The following SETD1A variants were observed in gnomAD, a reference collection of about 807,000 sequenced individuals.
The protein encoded by SETD1A is SET domain containing 1A, histone lysine methyltransferase, also known as histone-lysine N-methyltransferase SETD1A.
A neutral mutation model predicts 149.9 loss-of-function variants in SETD1A; 29 were observed. The ratio of observed to expected loss-of-function variants is 0.19; its 90% CI spans 0.14 to 0.26. The LOEUF (loss-of-function observed/expected upper bound fraction) is 0.26, where lower values mean the gene tolerates loss of function less well. SETD1A is among the 10% of genes least tolerant of loss of function. The pLI is 1.00. For synonymous variants in SETD1A, 1,141 were observed against 968.5 expected (o/e 1.18, Z -3.31); for missense variants, 2,109 against 2,353.1 (o/e 0.90, Z 2.15).
chr16:30,982,636 C>T (rs995639374), intron 17 of SETD1A, among the ~76,000 whole-genome samples: 2 of 151,446 alleles, frequency 1.3e-5, no homozygotes, highest in East Asian at 1.9e-4. Context: ...AGGAAAGTCC[C>T]GGAGCTTTCT....
chr16:30,982,327 C>A (rs1215778777), intron 17 of SETD1A, among the ~76,000 whole-genome samples: 2 of 151,944 alleles, frequency 1.3e-5, no homozygotes, highest in African/African-American at 4.8e-5. Flanking sequence ...ATGCTAAAAC[C>A]CCGTCTCTAC....
In SETD1A at chr16:30,959,139, G is replaced by T; in HGVS notation, c.199G>T (p.Val67Phe). 1 of 1,613,972 alleles carries T rather than the reference G, an allele frequency of 6.2e-7. No individual in the cohort carries two copies. Among genetic ancestry groups the T allele is most frequent in the Non-Finnish European group, 8.5e-7 (1 of 1,179,858 alleles). The change falls in exon 3 of 19, where the codon GTC becomes TTC. Residue 67 changes from valine (V) to phenylalanine (F), a missense_variant. Val to Phe is a conservative substitution (Grantham distance 50, BLOSUM62 -1). Around this residue, in one of 8 missense-constraint regions of SETD1A, gnomAD observed 75 missense variants for 95.3 expected, o/e 0.79. Coordinates refer to ENST00000262519, the MANE Select transcript of SETD1A (RefSeq NM_014712.3). The stretch of plus-strand genomic sequence containing the variant: ...AGACCTCCAAGACCCCCGTTGCCAT[G>T]TCAGGTCCAAAAACAGAGACTTTTC... ...VEDLQDPRCHVRSKNRDFSLP... is the reference protein window; with the variant it reads ...VEDLQDPRCHFRSKNRDFSLP...
chr16:30,965,769 C>T lies in SETD1A; in HGVS notation c.1888C>T (p.Pro630Ser), dbSNP rs1207549615. 5 of 1,586,098 alleles carry T rather than the reference C, an allele frequency of 3.2e-6. No individual in the cohort carries two copies. In the African/African-American group the frequency reaches 6.8e-5, roughly 22 times the overall value. ...SLPLGYPPHQ[P>S]AYLLPPRPDG... The stretch of plus-strand genomic sequence containing the variant: ...TCCTCTTGGTTATCCTCCCCACCAA[C>T]CTGCCTACCTCCTCCCACCCAGACC... Residue 630 changes from proline (P) to serine (S), a missense_variant, in exon 8 of 19, where the codon CCT becomes TCT. Physicochemically the swap from Pro to Ser is moderately conservative, Grantham distance 74. Transcript: ENST00000262519.
At position 30,979,576 on chromosome 16, in the gene SETD1A, G is replaced by T; in HGVS notation, c.3790G>T (p.Ala1264Ser). 1 of 1,610,276 alleles carries T rather than the reference G, an allele frequency of 6.2e-7. No homozygotes were observed. The highest frequency in any genetic ancestry group is 8.5e-7 in the Non-Finnish European group (1 of 1,179,512). ...AVLADLALTP[A>S]RRGLPALPAV... ...CCTGGCCGACCTGGCCCTGACCCCT[G>T]CCCGGCGCGGGCTGCCTGCCCTGCC... The change falls in exon 14 of 19, where the codon GCC (alanine) becomes TCC (serine). Residue 1264 changes from alanine (A) to serine (S), a missense_variant. Around this residue, in one of 8 missense-constraint regions of SETD1A, gnomAD observed 832 missense variants for 815.6 expected, o/e 1.02. Coordinates refer to ENST00000262519, the MANE Select transcript of SETD1A (RefSeq NM_014712.3).
At chr16:30,972,656 C>T (rs2056239383) in intron 13 of SETD1A, among the ~76,000 whole-genome samples, 1 of 146,566 alleles carries the variant, frequency 6.8e-6, no homozygotes, top group Non-Finnish European at 1.5e-5. Context: ...AAAAAAAAGA[C>T]CAGCCTGGGC....
intron 9 of SETD1A, 58 bp from the exon 10 acceptor site, chr16:30,967,443 C>T (rs563236928): frequency 1.5e-5 from 23 of 1,505,962 alleles, no homozygotes; most frequent in African/African-American, 8.2e-5. Context: ...AGTGAGCCAC[C>T]GTGCTCTGCC....
In SETD1A at chr16:30,965,073, G is replaced by A. The variant is rs758116539; in HGVS notation, c.1331G>A (p.Gly444Glu). ...PPEPPEPGGG[G>E]GGGGPSPERE... ...GAGCCTCCAGAACCTGGTGGAGGCGGGGGTGGAGGAGGGCCCAGCCCTGAG... is the reference window on the plus strand; with the variant it reads ...GAGCCTCCAGAACCTGGTGGAGGCGAGGGTGGAGGAGGGCCCAGCCCTGAG... Residue 444 changes from glycine to glutamate, a missense_variant, in exon 7 of 19, where the codon GGG becomes GAG. Physicochemically the swap from Gly to Glu is moderately conservative, Grantham distance 98. Transcript: ENST00000262519. The A allele has an allele frequency of 1.9e-6, 3 of 1,611,384 alleles. No homozygotes were observed. Among genetic ancestry groups the A allele is most frequent in the Admixed American group, 1.7e-5 (1 of 59,946 alleles).
In SETD1A at chr16:30,966,294, A is replaced by G; in HGVS notation, c.2413A>G (p.Ile805Val). ...LAMLVQEMKS[I>V]MQRDLNRKMV... ...CATGCTGGTCCAGGAGATGAAGAGCATCATGCAGCGAGACCTCAACCGCAA... is the reference window on the plus strand; with the variant it reads ...CATGCTGGTCCAGGAGATGAAGAGCGTCATGCAGCGAGACCTCAACCGCAA... The change falls in exon 8 of 19, where the codon ATC becomes GTC. Residue 805 changes from isoleucine to valine, a missense_variant. This residue lies in a region of SETD1A where 22 missense variants were observed against 51.3 expected (regional missense o/e 0.43). Coordinates refer to ENST00000262519, the MANE Select transcript of SETD1A (RefSeq NM_014712.3). 6.2e-7 allele frequency: 1 copy of G among 1,613,954 alleles called. No individual in the cohort carries two copies. Among genetic ancestry groups the G allele is most frequent in the Non-Finnish European group, 8.5e-7 (1 of 1,180,016 alleles).
At chr16:30,968,445 C>T (rs903500981) in intron 10 of SETD1A, among the ~76,000 whole-genome samples, 3 of 149,266 alleles carry the variant, frequency 2.0e-5, no homozygotes, top group Non-Finnish European at 4.4e-5. Context: ...TGTACACACA[C>T]ATATGTATAT....
At chr16:30,968,563 G>A (rs1023667397) in intron 10 of SETD1A, among the ~76,000 whole-genome samples, 2 of 152,092 alleles carry the variant, frequency 1.3e-5, no homozygotes, top group African/African-American at 2.4e-5. Context: ...AGCACTTTGG[G>A]AGGCCGAGGC....
At chr16:30,975,910 G>T (rs1355720489) in intron 13 of SETD1A, among the ~76,000 whole-genome samples, 1 of 152,120 alleles carries the variant, frequency 6.6e-6, no homozygotes. Context: ...AAGGGAACGG[G>T]CCAGGTAGAT....
rs1362336540 is a variant in SETD1A, at chr16:30,963,563, T to G, written c.639+9T>G. ...GTGCAGCCACTGAGACGGTGAGAAG[T>G]TTGTGGCTACCACAGCCCCTAGCCA... is the stretch of plus-strand genomic sequence containing the variant. On this transcript the variant is annotated intron_variant, in intron 5 of 18. Coordinates refer to ENST00000262519, the MANE Select transcript of SETD1A (RefSeq NM_014712.3). 1 of 1,609,024 alleles carries G rather than the reference T, an allele frequency of 6.2e-7. No individual in the cohort carries two copies. Among genetic ancestry groups the G allele is most frequent in the East Asian group, 2.2e-5 (1 of 44,522 alleles).
Position 30,966,344 on chromosome 16 carries a change from A to G in SETD1A, c.2463A>G (p.Gly821=). 3 of 1,613,362 alleles carry G rather than the reference A, an allele frequency of 1.9e-6. No individual in the cohort carries two copies. Among genetic ancestry groups the G allele is most frequent in the Non-Finnish European group, 2.5e-6 (3 of 1,179,732 alleles). ...AGATGGTGGAGAACGTGGCCTTCGG[A>G]GCCTTTGACCAGTGGTGGGAGAGCA... ...NRKMVENVAF[G]AFDQWWESKE... is the part of the protein sequence containing the mutation. The change falls in exon 8 of 19, where the codon GGA becomes GGG. Residue 821 remains glycine, a synonymous_variant. Coordinates refer to ENST00000262519, the MANE Select transcript of SETD1A (RefSeq NM_014712.3).
chr16:30,958,919 C>A, intron 2 of SETD1A, 38 bp downstream of exon 2: 1 of 1,611,344 alleles, frequency 6.2e-7, no homozygotes, highest in Non-Finnish European at 8.5e-7. Flanking sequence ...CCGGGGAGCT[C>A]CAGGCGCCCG....
rs116691283 is a variant in SETD1A at position 30,979,193 on chromosome 16, C to T, written c.3407C>T (p.Pro1136Leu). 2,049 of 1,589,864 alleles carry T rather than the reference C, an allele frequency of 1.3e-3. 20 individuals carry two copies. The African/African-American group carries it at 0.025, about 19-fold the overall frequency. Residue 1136 changes from proline to leucine, a missense_variant, in exon 14 of 19, where the codon CCA (proline) becomes CTA (leucine). Transcript: ENST00000262519. ...AGTGCGCCTCTGCGTCCCCCAGAAC[C>T]ACCTGCTGGGCCCCCGGCCCCTGCC... Reference protein sequence around the residue: ...PPSAPLRPPEPPAGPPAPAPR... With the variant: ...PPSAPLRPPELPAGPPAPAPR...
chr16:30,974,543 C>G (rs2056261549), intron 13 of SETD1A, among the ~76,000 whole-genome samples: 1 of 152,070 alleles, frequency 6.6e-6, no homozygotes, highest in South Asian at 2.1e-4. Flanking sequence ...TATCACCAGG[C>G]CACCAGCAAG....
At position 30,961,241 on chromosome 16, in the gene SETD1A, CA is replaced by C; in HGVS notation, c.247-25del. The C allele has an allele frequency of 2.5e-6, 4 of 1,612,746 alleles. No homozygotes were observed. Among genetic ancestry groups the C allele is most frequent in the Non-Finnish European group, 3.4e-6 (4 of 1,178,898 alleles). ...GGAACAGTGGTCAGTGTTGAGACCC[CA>C]TACCAACTCCTGTTCTTTCCCCAGC... is the stretch of plus-strand genomic sequence containing the variant. On this transcript the variant is annotated intron_variant, in intron 3 of 18. Transcript: ENST00000262519. This position sits in a 1 kb window ranked among gnomAD's most constrained non-coding sequence, Gnocchi z 4.0.
At position 30,979,902 on chromosome 16, in the gene SETD1A, G is replaced by A. The variant is rs1450724123; in HGVS notation, c.4116G>A (p.Glu1372=). Residue 1372 remains glutamate, a synonymous_variant, in exon 14 of 19, where the codon GAG becomes GAA. Coordinates refer to ENST00000262519, the MANE Select transcript of SETD1A (RefSeq NM_014712.3). ...AGGGGGAGGAAGAGGGGGAGGAAGA[G>A]GAGGAGGAGTCCTCTGACAGCAGCA... The part of the protein sequence containing the change: ...EEEGEEEGEE[E]EEESSDSSSS... 2.0e-6 allele frequency: 3 copies of A among 1,534,178 alleles called. No homozygotes were observed. Among genetic ancestry groups the A allele is most frequent in the Non-Finnish European group, 2.6e-6 (3 of 1,146,008 alleles).
intron 13 of SETD1A, among the ~76,000 whole-genome samples, chr16:30,976,205 G>A (rs957578413): frequency 6.6e-6 from 1 of 152,118 alleles, no homozygotes; most frequent in African/African-American, 2.4e-5. Context: ...CCAGAAGTTC[G>A]AGACCAGTCT....
Sources: gnomAD v4.1 joint callset for allele counts (sites outside exome capture counted in the v4.1 genomes callset) on GRCh38, gnomAD v4.1.1 for gene constraint, gnomAD v4.1.1 regional missense constraint, Gnocchi (gnomAD v3.1) non-coding constraint, MANE v1.5 for transcripts, NCBI Gene and HGNC (gene_info 2026-07-23, HGNC 2026-07-21) for gene names.